CRTC3: variants seen among roughly 807,000 people sequenced by gnomAD.
CRTC3 encodes CREB regulated transcription coactivator 3, also known as CREB-regulated transcription coactivator 3.
CRTC3 carries 26 observed loss-of-function variants against 74.5 expected under a neutral mutation model. That is an observed-to-expected ratio of 0.35 (90% CI 0.26 to 0.48). CRTC3 has a LOEUF of 0.48. Among genes scored for constraint, CRTC3 ranks in the 20% least tolerant of loss-of-function variants. The pLI, the probability that CRTC3 is intolerant of heterozygous loss-of-function variation, is 0.99. For synonymous variants in CRTC3, 377 were observed against 325.8 expected (o/e 1.16, Z -1.69); for missense variants, 760 against 787.3 (o/e 0.97, Z 0.41).
chr15:90,611,165 G>C (rs1463547903), intron 6 of CRTC3, among the ~76,000 whole-genome samples: 1 of 152,192 alleles, frequency 6.6e-6, no homozygotes, highest in African/African-American at 2.4e-5. Flanking sequence ...GGAGGGCCCA[G>C]AGTGGGGAGG....
Position 90,530,227 on chromosome 15 carries a change from C to A in CRTC3, c.132+24C>A. 1 of 1,094,448 alleles carries A rather than the reference C, an allele frequency of 9.1e-7. No homozygotes were observed. The highest frequency in any genetic ancestry group is 1.1e-6 in the Non-Finnish European group (1 of 898,462). 67.8% of individuals were successfully genotyped at this position (1,094,448 alleles called of 1,614,324 possible). A position where few individuals can be genotyped will look rare whatever the true frequency, so the allele number is the denominator to read the frequency against. On this transcript the variant is annotated intron_variant, in intron 1 of 14. Transcript: ENST00000268184. The surrounding 1 kb of genome is among the most constrained non-coding windows in gnomAD (Gnocchi z 6.2). ...GGGTGAGGGCCCGGGCCGGCGCGGG[C>A]GGGGGCGGCCACGGCCGCGGGCGGG... is the stretch of plus-strand genomic sequence containing the variant.
intron 3 of CRTC3, among the ~76,000 whole-genome samples, chr15:90,596,868 T>C (rs1450697567): frequency 6.6e-6 from 1 of 152,260 alleles, no homozygotes; most frequent in Non-Finnish European, 1.5e-5. Flanking sequence ...AGAATTATTA[T>C]AGCTGTTTCT....
intron 1 of CRTC3, among the ~76,000 whole-genome samples, chr15:90,533,132 G>T (rs747858525): frequency 5.9e-5 from 8 of 135,718 alleles, no homozygotes; most frequent in African/African-American, 2.2e-4. Context: ...GGCCGGGCGC[G>T]GTGGGTCACG....
intron 2 of CRTC3, among the ~76,000 whole-genome samples, chr15:90,579,645 T>TTTTTTTTTTTTG (rs1967489977): frequency 7.0e-6 from 1 of 143,432 alleles, no homozygotes; most frequent in Admixed American, 6.9e-5. Flanking sequence ...TTTTTTTTTT[T>TTTTTTTTTTTTG]TTTTTTTTTT....
At chr15:90,638,885 G>C in intron 13 of CRTC3, 70 bp downstream of exon 13, 1 of 1,342,748 alleles carries the variant, frequency 7.4e-7, no homozygotes. Flanking sequence ...TCATTCTGTA[G>C]AATTCAGAAC....
chr15:90,543,584 G>C (rs1567159993), intron 2 of CRTC3, among the ~76,000 whole-genome samples: 1 of 152,142 alleles, frequency 6.6e-6, no homozygotes, highest in Non-Finnish European at 1.5e-5. Context: ...GAGTGGGCTT[G>C]AAGCGCAAGC....
intron 1 of CRTC3, among the ~76,000 whole-genome samples, chr15:90,533,353 G>A (rs566726075): frequency 2.0e-5 from 3 of 151,458 alleles, no homozygotes; most frequent in African/African-American, 7.3e-5. Flanking sequence ...CCCGGAAGGC[G>A]GAGCTTGCAG....
At chr15:90,609,984 T>TG (rs1968320183) in intron 6 of CRTC3, among the ~76,000 whole-genome samples, 1 of 152,196 alleles carries the variant, frequency 6.6e-6, no homozygotes, top group Non-Finnish European at 1.5e-5. Flanking sequence ...GCTCCTGCAG[T>TG]TGCCTTGCAA....
chr15:90,563,534 A>G (rs1186801169), intron 2 of CRTC3, among the ~76,000 whole-genome samples: 1 of 152,266 alleles, frequency 6.6e-6, no homozygotes, highest in Non-Finnish European at 1.5e-5. Context: ...GGAGCAAAGC[A>G]TAGCCTTGAC....
chr15:90,573,474 C>T lies in CRTC3; in HGVS notation c.232-20162C>T, dbSNP rs189773448. On this transcript the variant is annotated intron_variant, in intron 2 of 14. Coordinates refer to ENST00000268184, the MANE Select transcript of CRTC3 (RefSeq NM_022769.5). Reference sequence around the variant, plus strand: ...TGCCAAGATTTCTTAAACATTCACCCGTTTTTCATCCATATTGTATTCTAA... The same window carrying T: ...TGCCAAGATTTCTTAAACATTCACCTGTTTTTCATCCATATTGTATTCTAA... Among the ~76,000 whole-genome samples, 1,122 of 152,188 alleles carry T rather than the reference C, an allele frequency of 7.4e-3. 16 individuals carry two copies. The highest frequency in any genetic ancestry group is 0.026 in the African/African-American group (1,073 of 41,518).
chr15:90,533,672 T>C (rs1416693510), intron 1 of CRTC3, among the ~76,000 whole-genome samples: 1 of 152,166 alleles, frequency 6.6e-6, no homozygotes, highest in African/African-American at 2.4e-5. Flanking sequence ...ACACTGGGTA[T>C]ATAGTAATGA....
intron 10 of CRTC3, among the ~76,000 whole-genome samples, chr15:90,626,499 G>A (rs1968838581): frequency 6.6e-6 from 1 of 152,080 alleles, no homozygotes; most frequent in Non-Finnish European, 1.5e-5. Flanking sequence ...TGTAGCATTA[G>A]CTATATAAAG....
chr15:90,586,925 A>G (rs1442287748), intron 2 of CRTC3, among the ~76,000 whole-genome samples: 3 of 152,190 alleles, frequency 2.0e-5, no homozygotes, highest in Admixed American at 2.0e-4. Flanking sequence ...ACAACTCTCC[A>G]ATTCTTGGAC....
chr15:90,556,320 C>T (rs1354287691), intron 2 of CRTC3, among the ~76,000 whole-genome samples: 1 of 152,012 alleles, frequency 6.6e-6, no homozygotes, highest in Non-Finnish European at 1.5e-5. Context: ...AATTCTGAAA[C>T]CAAAGGGTAG....
rs183081962 is a variant in CRTC3 at position 90,560,151 on chromosome 15, C to T, written c.231+20014C>T. On this transcript the variant is annotated intron_variant, in intron 2 of 14. Coordinates refer to ENST00000268184, the MANE Select transcript of CRTC3 (RefSeq NM_022769.5). Reference sequence around the variant, plus strand: ...AACCTTCTTTTATTCATCTAGTTAGCGCTCCAGGTTTGGTGGTTGATCAAA... The same window carrying T: ...AACCTTCTTTTATTCATCTAGTTAGTGCTCCAGGTTTGGTGGTTGATCAAA... Among the ~76,000 whole-genome samples, 18 of 152,170 alleles carry T rather than the reference C, an allele frequency of 1.2e-4. No individual in the cohort carries two copies. The East Asian group carries it at 1.5e-3, about 13-fold the overall frequency.
In CRTC3 at chr15:90,530,053, C is replaced by A; in HGVS notation, c.-19C>A. 1 of 1,409,874 alleles carries A rather than the reference C, an allele frequency of 7.1e-7. No individual in the cohort carries two copies. Among genetic ancestry groups the A allele is most frequent in the South Asian group, 1.3e-5 (1 of 79,662 alleles). 87.3% of individuals were successfully genotyped at this position (1,409,874 alleles called of 1,614,324 possible). ...CCACGGCCGCCGTCTCCCGCTTCTG[C>A]CCGCGCAGAGTCCGCGCCATGGCCG... On this transcript the variant is annotated 5_prime_UTR_variant, in exon 1 of 15. Transcript: ENST00000268184. The surrounding 1 kb of genome is among the most constrained non-coding windows in gnomAD (Gnocchi z 6.2).
chr15:90,579,966 T>A (rs901222915), intron 2 of CRTC3, among the ~76,000 whole-genome samples: 2 of 152,086 alleles, frequency 1.3e-5, no homozygotes, highest in Non-Finnish European at 2.9e-5. Flanking sequence ...AATCTCTAGT[T>A]TTATATTACA....
rs1596143191 is a variant in CRTC3 at position 90,630,758 on chromosome 15, T to TAACTACTCACCACCTCGCCATAAA, written c.1266+1226_1266+1227insAACTACTCACCACCTCGCCATAAA. 1.0e-2 allele frequency among the ~76,000 whole-genome samples: 423 copies of TAACTACTCACCACCTCGCCATAAA among 42,438 alleles called. 79 individuals are homozygous for TAACTACTCACCACCTCGCCATAAA. The highest frequency in any genetic ancestry group is 0.012 in the African/African-American group (121 of 9,738). 27.8% of individuals were successfully genotyped at this position (42,438 alleles called of 152,430 possible). A position where few individuals can be genotyped will look rare whatever the true frequency, so the allele number is the denominator to read the frequency against. ...CATCCTCTGTCTATTACAGCATCATTTTTTTTTTTTTTTTTTTTTTTTTTT... is the reference window on the plus strand; with the variant it reads ...CATCCTCTGTCTATTACAGCATCATTAACTACTCACCACCTCGCCATAAATTTTTTTTTTTTTTTTTTTTTTTTT... On this transcript the variant is annotated intron_variant, in intron 11 of 14. Coordinates refer to ENST00000268184, the MANE Select transcript of CRTC3 (RefSeq NM_022769.5).
chr15:90,572,723 G>C (rs768138054), intron 2 of CRTC3, among the ~76,000 whole-genome samples: 3 of 152,062 alleles, frequency 2.0e-5, no homozygotes, highest in Non-Finnish European at 2.9e-5. Flanking sequence ...TTACAGCTGT[G>C]CGTCACCATA....
Sources: allele counts gnomAD v4.1 joint callset (sites outside exome capture counted in the v4.1 genomes callset), GRCh38; gene constraint gnomAD v4.1.1; non-coding constraint Gnocchi (gnomAD v3.1); transcripts MANE v1.5; gene names NCBI Gene and HGNC (gene_info 2026-07-23, HGNC 2026-07-21).